B3GLCT: variants seen among roughly 807,000 people sequenced by gnomAD.
The protein encoded by B3GLCT is beta-1,3-glucosyltransferase.
B3GLCT carries 65 observed loss-of-function variants against 63.4 expected under a neutral mutation model. The ratio of observed to expected loss-of-function variants is 1.03; its 90% CI spans 0.84 to 1.26. The LOEUF is 1.26. Among genes scored for constraint, B3GLCT ranks in the 50% most tolerant of loss-of-function variants. B3GLCT has a pLI of 0.00. For missense variants in B3GLCT, 577 were observed against 604.8 expected (o/e 0.95, Z 0.48); for synonymous variants, 233 against 219.2 (o/e 1.06, Z -0.55).
chr13:31,291,048 G>A (rs1873631115), intron 12 of B3GLCT, among the ~76,000 whole-genome samples: 1 of 152,088 alleles, frequency 6.6e-6, no homozygotes, highest in Non-Finnish European at 1.5e-5. Flanking sequence ...TGTAAGAAAG[G>A]TTTTCTGCAT....
At chr13:31,224,247 A>G (rs563287077) in intron 3 of B3GLCT, among the ~76,000 whole-genome samples, 6 of 152,024 alleles carry the variant, frequency 3.9e-5, no homozygotes, top group Non-Finnish European at 7.4e-5. Flanking sequence ...ACGCCTTTCC[A>G]TGTGGAGATT....
chr13:31,297,375 GT>G (rs35163232), intron 12 of B3GLCT, among the ~76,000 whole-genome samples: 8,499 of 127,706 alleles, frequency 0.067, 337 homozygotes, highest in African/African-American at 0.14. Flanking sequence ...TATTTTCTGG[GT>G]TTTTTTTTTT....
rs748444091 is a variant in B3GLCT, at chr13:31,247,920, A to G, written c.413A>G (p.Gln138Arg). The change falls in exon 6 of 15, where the codon CAG becomes CGG. Residue 138 changes from glutamine (Q) to arginine (R), a missense_variant. By Grantham distance (43) the Gln-to-Arg change is conservative. Coordinates refer to ENST00000343307, the MANE Select transcript of B3GLCT (RefSeq NM_194318.4). The part of the protein sequence containing the change: ...IFFCEEETRI[Q>R]IPKLLETLRR... ...TTCTGTGAAGAAGAGACAAGAATAC[A>G]GATTCCAAAACTCTTGGAAACCCTC... 1.9e-6 allele frequency: 3 copies of G among 1,611,434 alleles called. No individual in the cohort carries two copies. In the South Asian group the frequency reaches 3.3e-5, roughly 18 times the overall value.
chr13:31,321,104 A>G (rs1435977549), intron 13 of B3GLCT, among the ~76,000 whole-genome samples: 1 of 152,242 alleles, frequency 6.6e-6, no homozygotes, highest in East Asian at 1.9e-4. Context: ...GCTTCTTAGC[A>G]TAGGGACTCA....
chr13:31,216,361 A>T (rs1869563679), intron 2 of B3GLCT, among the ~76,000 whole-genome samples: 1 of 152,238 alleles, frequency 6.6e-6, no homozygotes, highest in African/African-American at 2.4e-5. Flanking sequence ...AAGTTATGTG[A>T]TTTGACCAAG....
At chr13:31,276,464 TG>T (rs1200929189) in intron 9 of B3GLCT, among the ~76,000 whole-genome samples, 1 of 152,192 alleles carries the variant, frequency 6.6e-6, no homozygotes, top group Non-Finnish European at 1.5e-5. Context: ...TCTGGAAACT[TG>T]TTAAGGGGAT....
In B3GLCT at chr13:31,203,588, GAAGC is replaced by G. The variant is rs763891807; in HGVS notation, c.70+3448_70+3451del. On this transcript the variant is annotated intron_variant, in intron 1 of 14. Coordinates refer to ENST00000343307, the MANE Select transcript of B3GLCT (RefSeq NM_194318.4). ...TGGTGTGTTTTACTAGACTCATTAT[GAAGC>G]AAGCAAGCAAGCATAATTTTTAGGC... Among the ~76,000 whole-genome samples the G allele has an allele frequency of 5.3e-5, 8 of 152,168 alleles. No homozygotes were observed. In the East Asian group the frequency reaches 9.6e-4, roughly 18 times the overall value.
chr13:31,249,328 A>G (rs929515064), intron 6 of B3GLCT, among the ~76,000 whole-genome samples: 1 of 152,208 alleles, frequency 6.6e-6, no homozygotes, highest in African/African-American at 2.4e-5. Context: ...TGAGAAGGTC[A>G]TTGGGTTAAA....
intron 1 of B3GLCT, among the ~76,000 whole-genome samples, chr13:31,214,263 C>T (rs1433219784): frequency 6.6e-6 from 1 of 152,162 alleles, no homozygotes. Flanking sequence ...TTCCTCTTAG[C>T]TGTTGGGGAG....
Position 31,329,555 on chromosome 13 carries a change from T to C in B3GLCT, c.1384T>C (p.Phe462Leu), listed in dbSNP as rs1451236674. ...DYLSHQVPIS[F>L]HKHWNIDPVK... ...CCTTTCTCATCAAGTTCCCATATCG[T>C]TCCACAAACACTGGAACATCGATCC... The change falls in exon 15 of 15, where the codon TTC (phenylalanine) becomes CTC (leucine). Residue 462 changes from phenylalanine (F) to leucine (L), a missense_variant. Physicochemically the swap from Phe to Leu is conservative, Grantham distance 22. Coordinates refer to ENST00000343307, the MANE Select transcript of B3GLCT (RefSeq NM_194318.4). 1 of 1,614,218 alleles carries C rather than the reference T, an allele frequency of 6.2e-7. No individual in the cohort carries two copies.
chr13:31,201,574 C>T (rs150554190), intron 1 of B3GLCT, among the ~76,000 whole-genome samples: 130 of 152,214 alleles, frequency 8.5e-4, no homozygotes, highest in African/African-American at 2.9e-3. Context: ...CTGGCTGCAT[C>T]AGTTGGCTTG....
intron 12 of B3GLCT, among the ~76,000 whole-genome samples, chr13:31,294,215 C>T (rs1433405298): frequency 1.3e-5 from 2 of 152,088 alleles, no homozygotes; most frequent in African/African-American, 2.4e-5. Flanking sequence ...GTGGGTGACC[C>T]GACGTTTCTC....
chr13:31,246,345 T>C (rs1290316184), intron 4 of B3GLCT, among the ~76,000 whole-genome samples: 2 of 152,248 alleles, frequency 1.3e-5, no homozygotes, highest in Non-Finnish European at 2.9e-5. Flanking sequence ...AATCTCTCTT[T>C]ATATATGTAT....
At chr13:31,324,661 T>C (rs1875515427) in intron 14 of B3GLCT, among the ~76,000 whole-genome samples, 1 of 152,250 alleles carries the variant, frequency 6.6e-6, no homozygotes, top group African/African-American at 2.4e-5. Flanking sequence ...GAAGTGTGTA[T>C]GCATAAGTAT....
At chr13:31,200,508 A>G (rs1429015480) in intron 1 of B3GLCT, among the ~76,000 whole-genome samples, 1 of 150,090 alleles carries the variant, frequency 6.7e-6, no homozygotes, top group Non-Finnish European at 1.5e-5. Context: ...GCGCGCAGGA[A>G]CTGTGCCACC....
At chr13:31,249,707 A>C (rs566569914) in intron 6 of B3GLCT, among the ~76,000 whole-genome samples, 1 of 152,304 alleles carries the variant, frequency 6.6e-6, no homozygotes, top group South Asian at 2.1e-4. Context: ...CTCTTTTCAG[A>C]ACTCTGCCAT....
chr13:31,208,628 C>T (rs537021148), intron 1 of B3GLCT, among the ~76,000 whole-genome samples: 3 of 123,534 alleles, frequency 2.4e-5, no homozygotes, highest in South Asian at 3.3e-4. Flanking sequence ...GGCCCCCCCC[C>T]CCCGCTCACT....
intron 2 of B3GLCT, among the ~76,000 whole-genome samples, chr13:31,218,362 G>T (rs1252374215): frequency 2.0e-5 from 3 of 151,774 alleles, no homozygotes; most frequent in Non-Finnish European, 2.9e-5. Context: ...ACTAATTTCT[G>T]TATTTTTAGT....
chr13:31,298,386 A>G (rs1874062069), intron 12 of B3GLCT, among the ~76,000 whole-genome samples: 1 of 152,218 alleles, frequency 6.6e-6, no homozygotes. Flanking sequence ...ATATTGTATT[A>G]ATGTTTCCCA....
Sources: gnomAD v4.1 joint callset for allele counts (sites outside exome capture counted in the v4.1 genomes callset) on GRCh38, gnomAD v4.1.1 for gene constraint, MANE v1.5 for transcripts, NCBI Gene and HGNC (gene_info 2026-07-23, HGNC 2026-07-21) for gene names.